XXYLT1: variants seen among roughly 807,000 people sequenced by gnomAD.
The protein encoded by XXYLT1 is UDP-xylose:alpha-xyloside alpha-1,3-xylosyltransferase.
XXYLT1 carries 20 observed loss-of-function variants against 28.9 expected under a neutral mutation model. That is an observed-to-expected ratio of 0.69 (90% confidence interval 0.49 to 1.00). XXYLT1 has a LOEUF of 1.00. Among genes scored for constraint, XXYLT1 ranks in the 50% least tolerant of loss-of-function variants. The pLI, the probability that XXYLT1 is intolerant of heterozygous loss-of-function variation, is 0.00. For missense variants in XXYLT1, 542 were observed against 560.1 expected, an observed-to-expected ratio of 0.97 and a Z score of 0.33; for synonymous variants, 257 against 253.8, an observed-to-expected ratio of 1.01 and a Z score of -0.12.
Position 195,195,422 on chromosome 3 carries a change from G to A in XXYLT1, c.652+31287C>T, listed in dbSNP as rs149774864. 0.01 allele frequency among the ~76,000 whole-genome samples: 1,530 copies of A among 152,288 alleles called. 15 individuals are homozygous for A. The highest frequency in any genetic ancestry group is 0.022 in the South Asian group (108 of 4,824). On this transcript the variant is annotated intron_variant, in intron 2 of 3. Coordinates refer to ENST00000310380, the MANE Select transcript of XXYLT1 (RefSeq NM_152531.5). The surrounding 1 kb of genome is among the most constrained non-coding windows in gnomAD (Gnocchi z 4.4). ...CACCACGGATTCCTTCCTCAGAGTCGCTCAGGCGCCTAAGACTGTTCCAGT... is the reference window on the plus strand; with the variant it reads ...CACCACGGATTCCTTCCTCAGAGTCACTCAGGCGCCTAAGACTGTTCCAGT...
Position 195,104,119 on chromosome 3 carries a change from G to T in XXYLT1, c.786-34008C>A, listed in dbSNP as rs185008077. Among the ~76,000 whole-genome samples, 31 of 152,196 alleles carry T rather than the reference G, an allele frequency of 2.0e-4. No individual in the cohort carries two copies. The East Asian group carries it at 3.1e-3, about 15-fold the overall frequency. ...TGGGGAAAGGAAAATGGGAGGTCGG[G>T]CCCATGAAATCTACTGATGAGTAGA... On this transcript the variant is annotated intron_variant, in intron 3 of 3. Transcript: ENST00000310380.
At chr3:195,108,755 G>C (rs1415928686) in intron 3 of XXYLT1, among the ~76,000 whole-genome samples, 4 of 152,220 alleles carry the variant, frequency 2.6e-5, no homozygotes, top group Non-Finnish European at 1.5e-5. Flanking sequence ...AAAAGGTACA[G>C]TAATAATATG....
At chr3:195,213,562 C>T (rs750656993) in intron 2 of XXYLT1, among the ~76,000 whole-genome samples, 15 of 152,216 alleles carry the variant, frequency 9.9e-5, no homozygotes, top group Admixed American at 2.0e-4. Flanking sequence ...CCACGCCCGG[C>T]GAGGGCAGCA....
At chr3:195,109,294 G>C (rs1330171471) in intron 3 of XXYLT1, among the ~76,000 whole-genome samples, 1 of 152,138 alleles carries the variant, frequency 6.6e-6, no homozygotes, top group African/African-American at 2.4e-5. Flanking sequence ...GCACACTCTC[G>C]AGAAGGCGGA....
intron 2 of XXYLT1, among the ~76,000 whole-genome samples, chr3:195,216,716 C>T (rs1447671845): frequency 2.7e-5 from 4 of 150,736 alleles, no homozygotes; most frequent in East Asian, 1.9e-4. Flanking sequence ...GATTCACAGC[C>T]GAATTCTACC....
intron 1 of XXYLT1, among the ~76,000 whole-genome samples, chr3:195,235,927 CATAGACAT>C (rs2108815591): frequency 6.7e-6 from 1 of 148,362 alleles, no homozygotes; most frequent in East Asian, 1.9e-4. Context: ...TAGACATAGA[CATAGACAT>C]AGACATAGAC....
At chr3:195,252,339 ATC>A (rs1399963274) in intron 1 of XXYLT1, among the ~76,000 whole-genome samples, 3 of 152,226 alleles carry the variant, frequency 2.0e-5, no homozygotes. Context: ...TAAAAAAAGA[ATC>A]TTAAGCAAAT....
At chr3:195,237,932 C>A (rs1724622257) in intron 1 of XXYLT1, among the ~76,000 whole-genome samples, 1 of 152,146 alleles carries the variant, frequency 6.6e-6, no homozygotes, top group African/African-American at 2.4e-5. Flanking sequence ...TCCTCTCACC[C>A]CTGCCCCTGC....
chr3:195,155,222 A>G (rs957454057), intron 3 of XXYLT1, among the ~76,000 whole-genome samples: 1 of 152,090 alleles, frequency 6.6e-6, no homozygotes, highest in Non-Finnish European at 1.5e-5. Context: ...CTGCCTCTTC[A>G]CCCCCTCTTT....
intron 2 of XXYLT1, among the ~76,000 whole-genome samples, chr3:195,181,714 G>A (rs996867467): frequency 6.6e-6 from 1 of 152,116 alleles, no homozygotes; most frequent in Non-Finnish European, 1.5e-5. Flanking sequence ...GTGCCCACAG[G>A]TGGTATCTGG....
intron 3 of XXYLT1, among the ~76,000 whole-genome samples, chr3:195,090,092 C>T (rs1456593083): frequency 6.6e-6 from 1 of 150,816 alleles, no homozygotes; most frequent in Admixed American, 6.6e-5. Context: ...ACTTTAACAC[C>T]CCACTGTCAA....
At chr3:195,138,428 A>G (rs969606283) in intron 3 of XXYLT1, among the ~76,000 whole-genome samples, 1 of 152,152 alleles carries the variant, frequency 6.6e-6, no homozygotes, top group Non-Finnish European at 1.5e-5. Flanking sequence ...AGAGGGAGAC[A>G]CGCATTCATG....
rs897313615 is a variant in XXYLT1, at chr3:195,076,126, A to G, written c.786-6015T>C. On this transcript the variant is annotated intron_variant, in intron 3 of 3. Transcript: ENST00000310380. This position sits in a 1 kb window ranked among gnomAD's most constrained non-coding sequence, Gnocchi z 5.3. ...GGAGGCTGCCAGGGCCCTGCTTTGC[A>G]ACTGCTGGCATCTCTGCACCATCTG... Among the ~76,000 whole-genome samples the G allele has an allele frequency of 3.3e-5, 5 of 152,182 alleles. No homozygotes were observed. The highest frequency in any genetic ancestry group is 7.3e-5 in the Non-Finnish European group (5 of 68,032).
intron 2 of XXYLT1, among the ~76,000 whole-genome samples, chr3:195,221,061 C>T (rs1177982777): frequency 6.9e-6 from 1 of 144,860 alleles, no homozygotes; most frequent in Non-Finnish European, 1.5e-5. Context: ...AGCTCTTCTC[C>T]TCCACGGCAT....
chr3:195,169,566 T>G (rs979141126), intron 2 of XXYLT1, among the ~76,000 whole-genome samples: 2 of 152,188 alleles, frequency 1.3e-5, no homozygotes, highest in African/African-American at 4.8e-5. Flanking sequence ...TCACAATTTT[T>G]CAGCTTTAGG....
chr3:195,211,968 TGGA>T (rs1271849410), intron 2 of XXYLT1, among the ~76,000 whole-genome samples: 1 of 133,194 alleles, frequency 7.5e-6, no homozygotes, highest in African/African-American at 2.9e-5. Context: ...CAGGAAGATC[TGGA>T]GGAGGAGAGG....
chr3:195,217,797 G>C lies in XXYLT1; in HGVS notation c.652+8912C>G, dbSNP rs1723638091. Reference sequence around the variant, plus strand: ...CAAGCTACCAATGACTTTCTTCACAGAATTGGAAAAAACTACTTTAAAGTT... The same window carrying C: ...CAAGCTACCAATGACTTTCTTCACACAATTGGAAAAAACTACTTTAAAGTT... On this transcript the variant is annotated intron_variant, in intron 2 of 3. Coordinates refer to ENST00000310380, the MANE Select transcript of XXYLT1 (RefSeq NM_152531.5). 2.7e-5 allele frequency among the ~76,000 whole-genome samples: 4 copies of C among 150,066 alleles called. No individual in the cohort carries two copies. The South Asian group carries it at 8.5e-4, about 32-fold the overall frequency.
intron 3 of XXYLT1, among the ~76,000 whole-genome samples, chr3:195,145,848 T>C (rs915270035): frequency 6.6e-6 from 1 of 152,136 alleles, no homozygotes; most frequent in Admixed American, 6.5e-5. Context: ...GACGGCTGGG[T>C]TCCTGGATCA....
At chr3:195,075,668 C>T (rs943671390) in intron 3 of XXYLT1, among the ~76,000 whole-genome samples, 10 of 152,148 alleles carry the variant, frequency 6.6e-5, no homozygotes, top group Middle Eastern at 3.2e-3. Flanking sequence ...GCTGGGTGCC[C>T]GAGTGGCTGG....
Sources: gnomAD v4.1 joint callset for allele counts (sites outside exome capture counted in the v4.1 genomes callset) on GRCh38, gnomAD v4.1.1 for gene constraint, Gnocchi (gnomAD v3.1) non-coding constraint, MANE v1.5 for transcripts, NCBI Gene and HGNC (gene_info 2026-07-23, HGNC 2026-07-21) for gene names.